The following MOCOS variants were observed in gnomAD, a reference collection of about 807,000 sequenced individuals.
MOCOS encodes the protein molybdenum cofactor sulfurase.
A neutral mutation model predicts 83.6 loss-of-function variants in MOCOS; 86 were observed. The ratio of observed to expected loss-of-function variants is 1.03; its 90% CI spans 0.86 to 1.23. The LOEUF is 1.23. Ranked by LOEUF, MOCOS falls within the 50% of genes most tolerant of loss-of-function variation. The pLI is 0.00. For missense variants in MOCOS, 1,120 were observed against 1,126.9 expected (o/e 0.99, Z 0.09); for synonymous variants, 445 against 434.7 (o/e 1.02, Z -0.29).
chr18:36,187,808 G>C, intron 1 of MOCOS, 127 bp downstream of exon 1: 1 of 1,053,392 alleles, frequency 9.5e-7, no homozygotes, highest in Non-Finnish European at 1.2e-6. Context: ...CAGGAGGGAC[G>C]TGTCCACGCG....
chr18:36,191,449 G>A (rs1568046662), intron 1 of MOCOS, among the ~76,000 whole-genome samples: 1 of 152,314 alleles, frequency 6.6e-6, no homozygotes, highest in African/African-American at 2.4e-5. Context: ...ATGTGTGCAT[G>A]TGCACACTTT....
intron 4 of MOCOS, among the ~76,000 whole-genome samples, chr18:36,202,346 G>T (rs1160068228): frequency 6.6e-6 from 1 of 152,056 alleles, no homozygotes; most frequent in African/African-American, 2.4e-5. Flanking sequence ...GTAGAGATGG[G>T]GTCTTGCTAT....
intron 9 of MOCOS, among the ~76,000 whole-genome samples, chr18:36,243,591 CCTTTCCTGGTTTTGGTAT>C (rs2091592060): frequency 6.6e-6 from 1 of 150,884 alleles, no homozygotes; most frequent in South Asian, 2.1e-4. Flanking sequence ...GTTGTTATGT[CCTTTCCTGGTTTTGGTAT>C]TAGGGTGATA....
intron 4 of MOCOS, 59 bp downstream of exon 4, chr18:36,200,383 T>A: frequency 6.3e-7 from 1 of 1,597,324 alleles, no homozygotes; most frequent in Non-Finnish European, 8.6e-7. Flanking sequence ...CTGGCCTGTT[T>A]CTCCTGGAGG....
At chr18:36,222,663 G>A (rs568969539) in intron 9 of MOCOS, among the ~76,000 whole-genome samples, 6 of 150,086 alleles carry the variant, frequency 4.0e-5, no homozygotes, top group South Asian at 4.2e-4. Context: ...GTACAGTGGC[G>A]CGATCTTGGC....
At chr18:36,248,844 G>A in intron 9 of MOCOS, 78 bp from the exon 10 acceptor site, 2 of 1,218,598 alleles carry the variant, frequency 1.6e-6, no homozygotes, top group Non-Finnish European at 2.4e-6. Context: ...GGTTACTACA[G>A]CTTTGTAGTA....
chr18:36,246,777 T>C (rs1394664993), intron 9 of MOCOS, among the ~76,000 whole-genome samples: 1 of 152,210 alleles, frequency 6.6e-6, no homozygotes, highest in East Asian at 1.9e-4. Flanking sequence ...CTGTAATGGC[T>C]TGAGTTGATT....
chr18:36,196,750 T>C (rs2091389383), intron 2 of MOCOS, among the ~76,000 whole-genome samples: 1 of 151,710 alleles, frequency 6.6e-6, no homozygotes, highest in South Asian at 2.1e-4. Context: ...GTGGTGGTAA[T>C]GATGCAGCGC....
intron 1 of MOCOS, among the ~76,000 whole-genome samples, chr18:36,190,716 T>C (rs2091361472): frequency 6.6e-6 from 1 of 151,720 alleles, no homozygotes; most frequent in Admixed American, 6.6e-5. Flanking sequence ...ACCACTTCAC[T>C]CCAGTCTGGG....
At chr18:36,204,081 A>G (rs182046559) in intron 5 of MOCOS, among the ~76,000 whole-genome samples, 5 of 152,346 alleles carry the variant, frequency 3.3e-5, no homozygotes, top group Admixed American at 2.6e-4. Flanking sequence ...TAAACTATAC[A>G]TAACATAAAA....
chr18:36,241,553 T>G (rs1291540763), intron 9 of MOCOS, among the ~76,000 whole-genome samples: 1 of 152,232 alleles, frequency 6.6e-6, no homozygotes, highest in African/African-American at 2.4e-5. Flanking sequence ...AAGTGTAAGC[T>G]GTTGGTGGAT....
chr18:36,200,569 C>T (rs564579320), intron 4 of MOCOS, among the ~76,000 whole-genome samples: 1 of 152,250 alleles, frequency 6.6e-6, no homozygotes, highest in African/African-American at 2.4e-5. Context: ...AGGACTGGGG[C>T]CTGCAGATAA....
In MOCOS at chr18:36,271,564, T is replaced by C. The variant is rs2091699279; in HGVS notation, c.*2879T>C. ...TCAGCCTTATGTGCTTCTCAAAGTG[T>C]ATAACAAAATCAAAGACAATGTCAT... On this transcript the variant is annotated 3_prime_UTR_variant, in exon 15 of 15. Coordinates refer to ENST00000261326, the MANE Select transcript of MOCOS (RefSeq NM_017947.4). 6.6e-6 allele frequency: 1 copy of C among 152,160 alleles called. No homozygotes were observed. Among genetic ancestry groups the C allele is most frequent in the African/African-American group, 2.4e-5 (1 of 41,426 alleles). The allele number at this position is 152,160 out of a possible 1,614,324, so 9.4% of individuals were successfully genotyped here.
Position 36,271,434 on chromosome 18 carries a change from T to C in MOCOS, c.*2749T>C, listed in dbSNP as rs2144166630. On this transcript the variant is annotated 3_prime_UTR_variant, in exon 15 of 15. Transcript: ENST00000261326. The stretch of plus-strand genomic sequence containing the variant: ...TACCTTCAATATTTCTTGTATGAAG[T>C]TTCAGCTAAAAATGTACTTTGTGTA... 1 of 152,276 alleles carries C rather than the reference T, an allele frequency of 6.6e-6. No homozygotes were observed. The highest frequency in any genetic ancestry group is 2.1e-4 in the South Asian group (1 of 4,810). The allele number at this position is 152,276 out of a possible 1,614,324, so 9.4% of individuals were successfully genotyped here. A position where few individuals can be genotyped will look rare whatever the true frequency, so the allele number is the denominator to read the frequency against.
intron 9 of MOCOS, among the ~76,000 whole-genome samples, chr18:36,238,055 T>A (rs2091566260): frequency 6.6e-6 from 1 of 151,334 alleles, no homozygotes; most frequent in African/African-American, 2.4e-5. Context: ...TAGTGGTCTA[T>A]CAATTTTGTT....
At chr18:36,205,936 C>T (rs1184428526) in intron 6 of MOCOS, among the ~76,000 whole-genome samples, 4 of 152,112 alleles carry the variant, frequency 2.6e-5, no homozygotes, top group Non-Finnish European at 5.9e-5. Flanking sequence ...TACGGGGTTT[C>T]ACCATTTTGG....
chr18:36,194,442 G>T (rs13381078), intron 1 of MOCOS, among the ~76,000 whole-genome samples: 2 of 152,102 alleles, frequency 1.3e-5, no homozygotes, highest in African/African-American at 4.8e-5. Flanking sequence ...TTTTAAAAGC[G>T]CATTGATGGA....
chr18:36,243,594 T>C (rs774366234), intron 9 of MOCOS, among the ~76,000 whole-genome samples: 5 of 152,126 alleles, frequency 3.3e-5, no homozygotes, highest in Non-Finnish European at 7.4e-5. Context: ...GTTATGTCCT[T>C]TCCTGGTTTT....
chr18:36,207,419 A>G (rs2091438810), intron 6 of MOCOS, among the ~76,000 whole-genome samples: 1 of 152,198 alleles, frequency 6.6e-6, no homozygotes, highest in Non-Finnish European at 1.5e-5. Context: ...TCCCACTAGC[A>G]GTGTATAAGT....
Sources: gnomAD v4.1 joint callset for allele counts (sites outside exome capture counted in the v4.1 genomes callset) on GRCh38, gnomAD v4.1.1 for gene constraint, MANE v1.5 for transcripts, NCBI Gene and HGNC (gene_info 2026-07-23, HGNC 2026-07-21) for gene names.